The following CBFA2T3 variants were observed in gnomAD, a reference collection of about 807,000 sequenced individuals.
CBFA2T3 encodes transcriptional corepressor CBFA2T3.
A neutral mutation model predicts 58.6 loss-of-function variants in CBFA2T3; 31 were observed. The ratio of observed to expected loss-of-function variants is 0.53; its 90% confidence interval spans 0.40 to 0.71. The LOEUF (loss-of-function observed/expected upper bound fraction) is 0.71, where lower values mean the gene tolerates loss of function less well. Ranked by LOEUF, CBFA2T3 falls within the 30% of genes least tolerant of loss-of-function variation. CBFA2T3 has a pLI of 0.00. For missense variants in CBFA2T3, 1,076 were observed against 963.1 expected (o/e 1.12, Z -1.55); for synonymous variants, 531 against 421.9 (o/e 1.26, Z -3.17).
chr16:88,913,776 C>T (rs928882261), intron 1 of CBFA2T3, among the ~76,000 whole-genome samples: 5 of 152,216 alleles, frequency 3.3e-5, no homozygotes, highest in African/African-American at 1.2e-4. Context: ...AATACGATGA[C>T]TCCTCAGAGA....
chr16:88,940,732 T>C (rs1479452795), intron 1 of CBFA2T3, among the ~76,000 whole-genome samples: 1 of 151,800 alleles, frequency 6.6e-6, no homozygotes, highest in Non-Finnish European at 1.5e-5. Flanking sequence ...GGGGCCTTTG[T>C]TAGGAAAACC....
At chr16:88,916,429 CGTGT>C (rs924451079) in intron 1 of CBFA2T3, among the ~76,000 whole-genome samples, 11 of 151,830 alleles carry the variant, frequency 7.2e-5, no homozygotes, top group African/African-American at 1.7e-4. Flanking sequence ...TGGCTGTGTC[CGTGT>C]GTGTGTGCAC....
chr16:88,898,296 C>CCGGG (rs1969965403), intron 2 of CBFA2T3, 144 bp from the exon 3 acceptor site: 2 of 644,580 alleles, frequency 3.1e-6, no homozygotes, highest in South Asian at 3.5e-5. Flanking sequence ...TCAGGGGCAC[C>CCGGG]CGGGCCGCCT....
At chr16:88,878,293 T>C (rs935966638) in intron 11 of CBFA2T3, among the ~76,000 whole-genome samples, 1 of 152,230 alleles carries the variant, frequency 6.6e-6, no homozygotes, top group African/African-American at 2.4e-5. Context: ...TCTCCCTAGC[T>C]GAGAGCAGGC....
intron 1 of CBFA2T3, among the ~76,000 whole-genome samples, chr16:88,921,604 G>T (rs1408269405): frequency 6.6e-6 from 1 of 151,764 alleles, no homozygotes; most frequent in Non-Finnish European, 1.5e-5. Flanking sequence ...CTGGGGGAGG[G>T]AGGGGGGGCG....
chr16:88,931,749 C>A (rs1173440002), intron 1 of CBFA2T3, among the ~76,000 whole-genome samples: 1 of 152,170 alleles, frequency 6.6e-6, no homozygotes, highest in Non-Finnish European at 1.5e-5. Context: ...CCTGGGGCAG[C>A]ATGGTCCCTG....
At chr16:88,925,498 C>T (rs560328653) in intron 1 of CBFA2T3, among the ~76,000 whole-genome samples, 318 of 152,286 alleles carry the variant, frequency 2.1e-3, no homozygotes, top group Middle Eastern at 0.01. Flanking sequence ...AGACCTGCTC[C>T]GAGTGCCCTG....
rs755897310 is a variant in CBFA2T3, at chr16:88,882,776, G to A, written c.1118-15C>T. ...CCCAGGCACCACTGTGGATGGGGGA[G>A]GTGCACGCTTAGGTCCCACCCACAG... On this transcript the variant is annotated splice_polypyrimidine_tract_variant and intron_variant, in intron 7 of 11. Coordinates refer to ENST00000268679, the MANE Select transcript of CBFA2T3 (RefSeq NM_005187.6). The A allele has an allele frequency of 2.0e-6, 3 of 1,532,920 alleles. No individual in the cohort carries two copies. In the African/African-American group the frequency reaches 4.1e-5, roughly 21 times the overall value. 95.0% of individuals were successfully genotyped at this position (1,532,920 alleles called of 1,614,324 possible).
At position 88,925,275 on chromosome 16, in the gene CBFA2T3, G is replaced by A. The variant is rs181076106; in HGVS notation, c.152-23619C>T. Among the ~76,000 whole-genome samples, 639 of 152,304 alleles carry A rather than the reference G, an allele frequency of 4.2e-3. 7 individuals carry two copies. The highest frequency in any genetic ancestry group is 0.015 in the African/African-American group (620 of 41,572). On this transcript the variant is annotated intron_variant, in intron 1 of 11. Coordinates refer to ENST00000268679, the MANE Select transcript of CBFA2T3 (RefSeq NM_005187.6). ...GCTTGGGCACGGTGCAGCCGCAGCC[G>A]TGGTGGCAGCTGCTCGGGGGAGACC...
chr16:88,968,239 G>A (rs1972562436), intron 1 of CBFA2T3, among the ~76,000 whole-genome samples: 1 of 152,214 alleles, frequency 6.6e-6, no homozygotes, highest in Admixed American at 6.5e-5. Flanking sequence ...GCCCGTCCCA[G>A]CTGTCTCTGG....
chr16:88,921,223 G>C (rs1301886038), intron 1 of CBFA2T3, among the ~76,000 whole-genome samples: 3 of 152,234 alleles, frequency 2.0e-5, no homozygotes, highest in African/African-American at 4.8e-5. Context: ...GATGTAAACA[G>C]GTAAATTGTT....
At chr16:88,963,505 T>A (rs933513131) in intron 1 of CBFA2T3, among the ~76,000 whole-genome samples, 6 of 152,126 alleles carry the variant, frequency 3.9e-5, no homozygotes, top group African/African-American at 1.4e-4. Flanking sequence ...ATCATCAACC[T>A]CGCAGTGAAT....
intron 1 of CBFA2T3, among the ~76,000 whole-genome samples, chr16:88,908,966 T>A (rs1048297855): frequency 3.9e-5 from 6 of 152,086 alleles, no homozygotes; most frequent in Non-Finnish European, 5.9e-5. Flanking sequence ...CCTGGGCACC[T>A]GGCTCTGGAT....
intron 1 of CBFA2T3, among the ~76,000 whole-genome samples, chr16:88,940,729 T>C (rs540322071): frequency 9.2e-5 from 14 of 152,082 alleles, no homozygotes; most frequent in Non-Finnish European, 1.9e-4. Context: ...CGCGGGGCCT[T>C]TGTTAGGAAA....
At chr16:88,881,053 G>A (rs548317024) in intron 9 of CBFA2T3, 14 of 705,292 alleles carry the variant, frequency 2.0e-5, no homozygotes, top group South Asian at 4.5e-5. Context: ...TCGCTGAGGC[G>A]GAGAAGCAGA....
At position 88,976,901 on chromosome 16, in the gene CBFA2T3, G is replaced by C; in HGVS notation, c.-94C>G. On this transcript the variant is annotated 5_prime_UTR_variant, in exon 1 of 12. Transcript: ENST00000268679. ...CCTCCTGCAGCCTTGAGGGAAAGAG[G>C]AGGGGCTGGGCCAGCTGGGGCGTCC... 6.9e-7 allele frequency: 1 copy of C among 1,441,864 alleles called. No homozygotes were observed. Among genetic ancestry groups the C allele is most frequent in the Non-Finnish European group, 9.3e-7 (1 of 1,076,142 alleles). The allele number at this position is 1,441,864 out of a possible 1,614,324, so 89.3% of individuals were successfully genotyped here.
chr16:88,888,588 T>TGGGGGAGGGGGGGGGTGGGA (rs1438066287), intron 5 of CBFA2T3, among the ~76,000 whole-genome samples: 1 of 3,162 alleles, frequency 3.2e-4, no homozygotes, highest in Non-Finnish European at 6.2e-4. Context: ...GGGGGTGGGG[T>TGGGGGAGGGGGGGGGTGGGA]GGGGTGGGGT....
chr16:88,905,645 T>C (rs917748380), intron 1 of CBFA2T3, among the ~76,000 whole-genome samples: 2 of 141,644 alleles, frequency 1.4e-5, no homozygotes, highest in Non-Finnish European at 3.1e-5. Context: ...TGGAGCGCCA[T>C]GATCAGGGCG....
intron 1 of CBFA2T3, among the ~76,000 whole-genome samples, chr16:88,957,938 G>T (rs888030568): frequency 6.4e-4 from 98 of 152,360 alleles, no homozygotes; most frequent in African/African-American, 2.3e-3. Flanking sequence ...CACCTCTGGG[G>T]CTTTGCTAAG....
Sources: allele counts gnomAD v4.1 joint callset (sites outside exome capture counted in the v4.1 genomes callset), GRCh38; gene constraint gnomAD v4.1.1; transcripts MANE v1.5; gene names NCBI Gene and HGNC (gene_info 2026-07-23, HGNC 2026-07-21).